Variants in FCHO1 observed in about 807,000 individuals in gnomAD.
FCHO1 encodes the protein FCH and mu domain containing endocytic adaptor 1.
In FCHO1, 45 loss-of-function variants were observed where a neutral mutation model predicts 114.4. The observed-to-expected ratio is 0.39, with a 90% CI of 0.31 to 0.50. The LOEUF (loss-of-function observed/expected upper bound fraction) is 0.50. FCHO1 is among the 20% of genes least tolerant of loss of function. FCHO1 has a pLI of 0.77. For missense variants in FCHO1, 1,042 were observed against 1,209.6 expected, an observed-to-expected ratio of 0.86 and a Z score of 2.06; for synonymous variants, 480 against 488.9, an observed-to-expected ratio of 0.98 and a Z score of 0.24.
At chr19:17,783,555 A>G (rs2093621602) in intron 24 of FCHO1, among the ~76,000 whole-genome samples, 1 of 149,806 alleles carries the variant, frequency 6.7e-6, no homozygotes, top group Non-Finnish European at 1.5e-5. Flanking sequence ...GGCGTGAGCT[A>G]CCACACCCGG....
intron 1 of FCHO1, among the ~76,000 whole-genome samples, chr19:17,752,947 A>G (rs2082357316): frequency 1.3e-5 from 2 of 152,010 alleles, no homozygotes; most frequent in African/African-American, 4.8e-5. Flanking sequence ...AAAATTATTC[A>G]GGCGTGAGCC....
intron 1 of FCHO1, among the ~76,000 whole-genome samples, chr19:17,752,572 T>C (rs1030952949): frequency 6.6e-6 from 1 of 151,988 alleles, no homozygotes; most frequent in Non-Finnish European, 1.5e-5. Context: ...TTGTATTTAA[T>C]TTTACTTGGT....
Position 17,778,784 on chromosome 19 carries a change from C to T in FCHO1, c.1527C>T (p.Pro509=), listed in dbSNP as rs375218211. ...PQSPPSCRAP[P]PEARGIRAPP... is the part of the protein sequence containing the mutation. ...GCCCGCCCAGCTGTAGGGCGCCACC[C>T]CCAGAGGCCAGGGGTATCCGGGCAC... The change falls in exon 20 of 29, where the codon CCC becomes CCT. Residue 509 remains proline, a synonymous_variant. Coordinates refer to ENST00000596536, the MANE Select transcript of FCHO1 (RefSeq NM_015122.3). 4.5e-5 allele frequency: 69 copies of T among 1,539,636 alleles called. No homozygotes were observed. The African/African-American group carries it at 6.3e-4, about 14-fold the overall frequency.
chr19:17,771,164 A>G (rs954580719), intron 9 of FCHO1, among the ~76,000 whole-genome samples: 4 of 151,484 alleles, frequency 2.6e-5, no homozygotes, highest in African/African-American at 9.7e-5. Context: ...GAGGCGGGAG[A>G]ATCACTTGAA....
At position 17,772,174 on chromosome 19, in the gene FCHO1, T is replaced by TTG. The variant is rs10537480; in HGVS notation, c.595-266_595-265dup. On this transcript the variant is annotated intron_variant, in intron 9 of 28. Coordinates refer to ENST00000596536, the MANE Select transcript of FCHO1 (RefSeq NM_015122.3). The stretch of plus-strand genomic sequence containing the variant: ...ACATCACTCCCACACAGACATCCCC[T>TTG]TGTGTGTGTGTGTGTGTGCATGTGT... 1.3e-3 allele frequency among the ~76,000 whole-genome samples: 189 copies of TTG among 151,016 alleles called. No homozygotes were observed. In the East Asian group the frequency reaches 0.016, roughly 13 times the overall value.
At position 17,783,204 on chromosome 19, in the gene FCHO1, G is replaced by T. The variant is rs368798276; in HGVS notation, c.2093+32G>T. 7.5e-6 allele frequency: 12 copies of T among 1,602,682 alleles called. No homozygotes were observed. The South Asian group carries it at 1.3e-4, about 18-fold the overall frequency. On this transcript the variant is annotated intron_variant, in intron 24 of 28. Coordinates refer to ENST00000596536, the MANE Select transcript of FCHO1 (RefSeq NM_015122.3). ...TGGAGGGGCAGTGGGAGAGGGCCTCGGAGGCTGCTGGGGATCAGGCTTCCG... is the reference window on the plus strand; with the variant it reads ...TGGAGGGGCAGTGGGAGAGGGCCTCTGAGGCTGCTGGGGATCAGGCTTCCG...
intron 6 of FCHO1, 82 bp from the exon 7 acceptor site, chr19:17,766,587 G>C: frequency 5.7e-6 from 9 of 1,565,522 alleles, no homozygotes; most frequent in Non-Finnish European, 7.9e-6. Flanking sequence ...TCAGCGTGCA[G>C]CACATACCTG....
At position 17,778,757 on chromosome 19, in the gene FCHO1, G is replaced by A; in HGVS notation, c.1500G>A (p.Gln500=). The change falls in exon 20 of 29, where the codon CAG becomes CAA. Residue 500 remains glutamine, a synonymous_variant. Coordinates refer to ENST00000596536, the MANE Select transcript of FCHO1 (RefSeq NM_015122.3). ...GGGTCCCCCGCCCAGGCACCCCGCA[G>A]AGCCCGCCCAGCTGTAGGGCGCCAC... The part of the protein sequence containing the change: ...DSWVPRPGTP[Q]SPPSCRAPPP... 6.5e-7 allele frequency: 1 copy of A among 1,539,202 alleles called. No homozygotes were observed.
intron 6 of FCHO1, 99 bp from the exon 7 acceptor site, chr19:17,766,570 G>T (rs1305621322): frequency 1.4e-6 from 2 of 1,460,714 alleles, no homozygotes; most frequent in Non-Finnish European, 1.9e-6. Flanking sequence ...TTCATGTTTA[G>T]CAGGGCTCAG....
At position 17,781,300 on chromosome 19, in the gene FCHO1, C is replaced by G. The variant is rs201051085; in HGVS notation, c.1697C>G (p.Ser566Cys). Residue 566 changes from serine (S) to cysteine (C), a missense_variant, in exon 21 of 29, where the codon TCT becomes TGT. Physicochemically the swap from Ser to Cys is moderately radical, Grantham distance 112. Transcript: ENST00000596536. ...GCAGCCCCACCCAGGAGACTTCGCT[C>G]TAGGAAGGTGTCCTGCCCTCTCACA... is the stretch of plus-strand genomic sequence containing the variant. ...GLAAPPRRLR[S>C]RKVSCPLTRS... 6.8e-6 allele frequency: 11 copies of G among 1,614,042 alleles called. No homozygotes were observed. In the East Asian group the frequency reaches 2.0e-4, roughly 29 times the overall value.
chr19:17,763,070 A>G (rs2087010744), intron 5 of FCHO1, among the ~76,000 whole-genome samples: 1 of 152,078 alleles, frequency 6.6e-6, no homozygotes. Context: ...CCCCTCCTCA[A>G]AAGAGGATGA....
intron 8 of FCHO1, 55 bp downstream of exon 8, chr19:17,770,632 C>T (rs984495146): frequency 1.1e-4 from 176 of 1,587,408 alleles, no homozygotes; most frequent in South Asian, 5.4e-4. Context: ...GAGGGGCTGC[C>T]TGATCAGAGA....
intron 6 of FCHO1, among the ~76,000 whole-genome samples, chr19:17,764,750 A>AT (rs926718517): frequency 5.9e-5 from 9 of 151,646 alleles, no homozygotes; most frequent in African/African-American, 1.7e-4. Context: ...AAACAAAAAC[A>AT]TTTTTTTTCT....
intron 28 of FCHO1, 39 bp from the exon 29 acceptor site, chr19:17,788,245 T>TCCC: frequency 2.1e-6 from 1 of 474,970 alleles, no homozygotes; most frequent in Non-Finnish European, 3.9e-6. Flanking sequence ...CCCGTACCCC[T>TCCC]CCTCCCCACC....
At chr19:17,781,851 G>T (rs1291412122) in intron 23 of FCHO1, 31 bp downstream of exon 23, 2 of 1,466,656 alleles carry the variant, frequency 1.4e-6, no homozygotes, top group Non-Finnish European at 9.3e-7. Context: ...AGGGCCCGTG[G>T]GAAGTCTGTG....
In FCHO1 at chr19:17,761,560, G is replaced by T. The variant is rs889920593; in HGVS notation, c.28-1202G>T. 2.0e-5 allele frequency among the ~76,000 whole-genome samples: 3 copies of T among 151,056 alleles called. No homozygotes were observed. The South Asian group carries it at 6.3e-4, about 32-fold the overall frequency. ...TTATCAGTTCTAGGAGTTTTTTGGT[G>T]GTGTGTTTAGGCCTTCCTATACATA... On this transcript the variant is annotated intron_variant, in intron 4 of 28. Coordinates refer to ENST00000596536, the MANE Select transcript of FCHO1 (RefSeq NM_015122.3).
rs759922881 is a variant in FCHO1 at position 17,784,061 on chromosome 19, G to C, written c.2094-42G>C. ...ATTGAATGCTGGGAGCCCTGGGAGG[G>C]CATGTCCCGAGGATTGGGGTGATCA... is the stretch of plus-strand genomic sequence containing the variant. On this transcript the variant is annotated intron_variant, in intron 24 of 28. Coordinates refer to ENST00000596536, the MANE Select transcript of FCHO1 (RefSeq NM_015122.3). This position sits in a 1 kb window ranked among gnomAD's most constrained non-coding sequence, Gnocchi z 5.3. The C allele has an allele frequency of 2.5e-6, 4 of 1,588,628 alleles. No individual in the cohort carries two copies. Among genetic ancestry groups the C allele is most frequent in the Non-Finnish European group, 3.4e-6 (4 of 1,162,196 alleles).
In FCHO1 at chr19:17,757,112, C is replaced by T. The variant is rs542154747; in HGVS notation, c.27+1921C>T. ...GCTAAGGCAGGAGAATTGCTTGAAC[C>T]CGGGAGGTGGAAGTCGCAGTGAGAT... is the stretch of plus-strand genomic sequence containing the variant. On this transcript the variant is annotated intron_variant, in intron 4 of 28. Transcript: ENST00000596536. 9.2e-5 allele frequency among the ~76,000 whole-genome samples: 14 copies of T among 151,562 alleles called. 1 individual carries two copies. In the South Asian group the frequency reaches 2.9e-3, roughly 32 times the overall value.
chr19:17,785,730 A>T (rs1395531266), intron 26 of FCHO1, among the ~76,000 whole-genome samples: 6 of 150,372 alleles, frequency 4.0e-5, no homozygotes, highest in African/African-American at 1.5e-4. Context: ...GCTACTTGGG[A>T]GGCTGAGGTG....
Sources: allele counts gnomAD v4.1 joint callset (sites outside exome capture counted in the v4.1 genomes callset), GRCh38; gene constraint gnomAD v4.1.1; non-coding constraint Gnocchi (gnomAD v3.1); transcripts MANE v1.5; gene names NCBI Gene and HGNC (gene_info 2026-07-23, HGNC 2026-07-21).